RERE: variants seen among roughly 807,000 people sequenced by gnomAD.
The protein encoded by RERE is arginine-glutamic acid dipeptide repeats.
RERE carries 40 observed loss-of-function variants against 146.1 expected under a neutral mutation model. The ratio of observed to expected loss-of-function variants is 0.27; its 90% CI spans 0.21 to 0.36. The LOEUF (loss-of-function observed/expected upper bound fraction) is 0.36. RERE is among the 10% of genes least tolerant of loss of function. RERE has a pLI of 1.00. For synonymous variants in RERE, 1,003 were observed against 866.0 expected (o/e 1.16, Z -2.78); for missense variants, 1,933 against 2,138.7 (o/e 0.90, Z 1.90).
At chr1:8,462,513 A>G (rs1001255577) in intron 11 of RERE, among the ~76,000 whole-genome samples, 1 of 152,238 alleles carries the variant, frequency 6.6e-6, no homozygotes, top group African/African-American at 2.4e-5. Flanking sequence ...ATGAGAGGTT[A>G]GTTTCTTCAT....
At chr1:8,383,241 T>C (rs1467574749) in intron 12 of RERE, among the ~76,000 whole-genome samples, 2 of 151,700 alleles carry the variant, frequency 1.3e-5, no homozygotes, top group Non-Finnish European at 2.9e-5. Context: ...GAACCATAAA[T>C]GCCCAACAGC....
intron 12 of RERE, chr1:8,380,836 G>GGGGC: frequency 2.2e-6 from 1 of 456,756 alleles, no homozygotes; most frequent in Non-Finnish European, 4.4e-6. Context: ...AGGGCAGAGA[G>GGGGC]GGGCGTTCCA....
chr1:8,605,760 A>AC (rs1409914753), intron 4 of RERE, among the ~76,000 whole-genome samples: 1 of 149,740 alleles, frequency 6.7e-6, no homozygotes, highest in Non-Finnish European at 1.5e-5. Flanking sequence ...AAAAAAAAAA[A>AC]AAAAAAAAAA....
chr1:8,554,196 A>G (rs1439323123), intron 6 of RERE, among the ~76,000 whole-genome samples: 1 of 152,216 alleles, frequency 6.6e-6, no homozygotes. Flanking sequence ...AGAAAAAAAG[A>G]TTCTACAAAT....
intron 1 of RERE, among the ~76,000 whole-genome samples, chr1:8,746,726 A>G (rs536051444): frequency 2.0e-5 from 3 of 151,356 alleles, no homozygotes; most frequent in East Asian, 2.0e-4. Context: ...AGAAACAGTT[A>G]TAAGAGGACA....
At chr1:8,538,304 T>C (rs968732682) in intron 7 of RERE, among the ~76,000 whole-genome samples, 2 of 152,164 alleles carry the variant, frequency 1.3e-5, no homozygotes, top group Non-Finnish European at 2.9e-5. Context: ...GTCCTACTCA[T>C]TAAAACTGGG....
rs538938401 is a variant in RERE at position 8,587,099 on chromosome 1, G to A, written c.522+27462C>T. 6.0e-4 allele frequency among the ~76,000 whole-genome samples: 92 copies of A among 152,270 alleles called. 1 individual carries two copies. The highest frequency in any genetic ancestry group is 1.0e-3 in the Non-Finnish European group (70 of 68,028). ...CCTCTAGGTCTGAAAAGCCTTAAAGGAGTCCTCATTTCCCTCCTCTTTCAC... is the reference window on the plus strand; with the variant it reads ...CCTCTAGGTCTGAAAAGCCTTAAAGAAGTCCTCATTTCCCTCCTCTTTCAC... On this transcript the variant is annotated intron_variant, in intron 4 of 22. Transcript: ENST00000400908.
intron 1 of RERE, among the ~76,000 whole-genome samples, chr1:8,658,198 T>A (rs1638368280): frequency 6.6e-6 from 1 of 152,208 alleles, no homozygotes; most frequent in Non-Finnish European, 1.5e-5. Flanking sequence ...CAATACCCTA[T>A]CTCACTTATT....
intron 10 of RERE, among the ~76,000 whole-genome samples, chr1:8,472,313 A>G (rs1412979527): frequency 6.6e-6 from 1 of 152,220 alleles, no homozygotes; most frequent in Non-Finnish European, 1.5e-5. Flanking sequence ...TACTGTGAAA[A>G]ACATTACGTA....
Position 8,542,574 on chromosome 1 carries a change from G to A in RERE, c.726-1256C>T, listed in dbSNP as rs562731094. On this transcript the variant is annotated intron_variant, in intron 6 of 22. Transcript: ENST00000400908. ...CAGTGACTTCACACCTGTAATCCCA[G>A]CACTTTGGGAGGCTACGACAGGAGG... Among the ~76,000 whole-genome samples, 15 of 152,298 alleles carry A rather than the reference G, an allele frequency of 9.8e-5. No individual in the cohort carries two copies. The South Asian group carries it at 3.1e-3, about 32-fold the overall frequency.
intron 1 of RERE, among the ~76,000 whole-genome samples, chr1:8,794,941 T>C (rs1451581208): frequency 1.3e-5 from 2 of 152,058 alleles, no homozygotes; most frequent in East Asian, 1.9e-4. Flanking sequence ...GCCTCCCAAG[T>C]AGCCAGAACC....
At chr1:8,616,119 C>T (rs959260263) in intron 3 of RERE, among the ~76,000 whole-genome samples, 2 of 152,218 alleles carry the variant, frequency 1.3e-5, no homozygotes, top group African/African-American at 4.8e-5. Context: ...TAAAAATGGA[C>T]TTCTGGATAA....
In RERE at chr1:8,565,781, C is replaced by T. The variant is rs973986355; in HGVS notation, c.523-8258G>A. On this transcript the variant is annotated intron_variant, in intron 4 of 22. Coordinates refer to ENST00000400908, the MANE Select transcript of RERE (RefSeq NM_001042681.2). ...ATATATTATCCATATAACTTTACAG[C>T]CATTACAGCTCAAAACGCCAGGAAA... Among the ~76,000 whole-genome samples, 5 of 152,230 alleles carry T rather than the reference C, an allele frequency of 3.3e-5. No homozygotes were observed. The South Asian group carries it at 1.0e-3, about 32-fold the overall frequency.
chr1:8,364,292 C>G lies in RERE; in HGVS notation c.1541-37G>C. ...AAGTGGTGGGGGCCAACCTTGGAAA[C>G]CATCCCTCTCCCTGGGGATGTCTGG... On this transcript the variant is annotated intron_variant, in intron 14 of 22. Coordinates refer to ENST00000400908, the MANE Select transcript of RERE (RefSeq NM_001042681.2). This position sits in a 1 kb window ranked among gnomAD's most constrained non-coding sequence, Gnocchi z 5.1. 1 of 1,585,732 alleles carries G rather than the reference C, an allele frequency of 6.3e-7. No individual in the cohort carries two copies. Among genetic ancestry groups the G allele is most frequent in the East Asian group, 2.2e-5 (1 of 44,742 alleles).
At chr1:8,594,593 A>G (rs984004823) in intron 4 of RERE, among the ~76,000 whole-genome samples, 21 of 152,220 alleles carry the variant, frequency 1.4e-4, no homozygotes, top group Non-Finnish European at 2.5e-4. Context: ...ACTACAATAT[A>G]GTCTCAACAT....
chr1:8,546,639 G>A (rs1480283178), intron 6 of RERE, among the ~76,000 whole-genome samples: 1 of 151,976 alleles, frequency 6.6e-6, no homozygotes, highest in African/African-American at 2.4e-5. Context: ...CAAGAGGTCA[G>A]GAGTTCAAGA....
chr1:8,744,998 T>C (rs945628330), intron 1 of RERE, among the ~76,000 whole-genome samples: 1 of 152,084 alleles, frequency 6.6e-6, no homozygotes, highest in Non-Finnish European at 1.5e-5. Context: ...GAATAGAAAC[T>C]CTCAGGTATA....
chr1:8,395,723 C>T (rs1305148131), intron 12 of RERE, among the ~76,000 whole-genome samples: 2 of 152,102 alleles, frequency 1.3e-5, no homozygotes, highest in Admixed American at 6.5e-5. Flanking sequence ...GAATATAAGA[C>T]ATCCGTGTTT....
chr1:8,448,424 T>C (rs1261900078), intron 11 of RERE, among the ~76,000 whole-genome samples: 2 of 150,864 alleles, frequency 1.3e-5, no homozygotes, highest in African/African-American at 2.4e-5. Flanking sequence ...AGATGAAGAG[T>C]TATCTGAAAA....
Sources: gnomAD v4.1 joint callset for allele counts (sites outside exome capture counted in the v4.1 genomes callset) on GRCh38, gnomAD v4.1.1 for gene constraint, Gnocchi (gnomAD v3.1) non-coding constraint, MANE v1.5 for transcripts, NCBI Gene and HGNC (gene_info 2026-07-23, HGNC 2026-07-21) for gene names.